NPAS3: variants seen among roughly 807,000 people sequenced by gnomAD.
NPAS3 encodes neuronal PAS domain-containing protein 3.
In NPAS3, 14 loss-of-function variants were observed where a neutral mutation model predicts 73.1. That is an observed-to-expected ratio of 0.19 (90% CI 0.13 to 0.30). The LOEUF is 0.30. NPAS3 is among the 10% of genes least tolerant of loss of function. The pLI is 1.00. For synonymous variants in NPAS3, 620 were observed against 541.5 expected (o/e 1.14, Z -2.01); for missense variants, 1,096 against 1,250.0 (o/e 0.88, Z 1.86).
At chr14:33,232,423 AATCT>A (rs2047885309) in intron 3 of NPAS3, among the ~76,000 whole-genome samples, 1 of 152,196 alleles carries the variant, frequency 6.6e-6, no homozygotes, top group Non-Finnish European at 1.5e-5. Flanking sequence ...GAATACACTC[AATCT>A]GTTTTTCATA....
chr14:32,994,916 G>A (rs914196212), intron 1 of NPAS3, among the ~76,000 whole-genome samples: 5 of 152,328 alleles, frequency 3.3e-5, no homozygotes, highest in East Asian at 1.9e-4. Context: ...ACAGGCATGA[G>A]CCACTGCACC....
chr14:33,466,330 AACACAG>A (rs1321344732), intron 4 of NPAS3, among the ~76,000 whole-genome samples: 1 of 152,196 alleles, frequency 6.6e-6, no homozygotes, highest in Non-Finnish European at 1.5e-5. Flanking sequence ...AGAATAGAAA[AACACAG>A]ATGCTAGAAA....
At chr14:33,369,559 G>A (rs2045996929) in intron 4 of NPAS3, among the ~76,000 whole-genome samples, 1 of 152,140 alleles carries the variant, frequency 6.6e-6, no homozygotes, top group Non-Finnish European at 1.5e-5. Flanking sequence ...TAAGTTTGAA[G>A]CTGTAGACTT....
chr14:33,123,861 CTTTTT>C (rs35332896), intron 2 of NPAS3, among the ~76,000 whole-genome samples: 2 of 81,164 alleles, frequency 2.5e-5, no homozygotes, highest in African/African-American at 3.4e-5. Flanking sequence ...TTCTTTCTTT[CTTTTT>C]TTTTTTTTTT....
At chr14:33,123,676 G>A (rs1369070172) in intron 2 of NPAS3, among the ~76,000 whole-genome samples, 2 of 151,954 alleles carry the variant, frequency 1.3e-5, no homozygotes, top group African/African-American at 4.8e-5. Flanking sequence ...ACCAAGTAAT[G>A]CTGGGGAAAT....
chr14:33,722,081 T>C (rs1466757985), intron 6 of NPAS3, among the ~76,000 whole-genome samples: 1 of 152,182 alleles, frequency 6.6e-6, no homozygotes, highest in East Asian at 1.9e-4. Flanking sequence ...GCAACAGGAA[T>C]GTGTCATGCC....
At chr14:33,224,219 C>T (rs1335395735) in intron 3 of NPAS3, among the ~76,000 whole-genome samples, 1 of 152,190 alleles carries the variant, frequency 6.6e-6, no homozygotes, top group African/African-American at 2.4e-5. Flanking sequence ...TTTTTGTTAG[C>T]CTTATCACCT....
At chr14:33,064,651 C>T (rs1003501315) in intron 2 of NPAS3, among the ~76,000 whole-genome samples, 3 of 152,160 alleles carry the variant, frequency 2.0e-5, no homozygotes, top group Admixed American at 6.5e-5. Context: ...CTTGCAAAAG[C>T]TCTTTTTGAA....
chr14:33,363,845 C>T (rs568507568), intron 3 of NPAS3, among the ~76,000 whole-genome samples: 3 of 151,588 alleles, frequency 2.0e-5, no homozygotes, highest in Admixed American at 1.3e-4. Flanking sequence ...ATAGCTCTTA[C>T]GTCTCACTCT....
chr14:32,983,002 GTTATC>G (rs967518707), intron 1 of NPAS3, among the ~76,000 whole-genome samples: 3 of 152,082 alleles, frequency 2.0e-5, no homozygotes, highest in Admixed American at 6.6e-5. Context: ...GCAATTATAA[GTTATC>G]TTAAGTGAAG....
rs776716287 is a variant in NPAS3, at chr14:33,676,195, T to TA, written c.559-16_559-15insA. The TA allele has an allele frequency of 6.2e-7, 1 of 1,613,128 alleles. No individual in the cohort carries two copies. Among genetic ancestry groups the TA allele is most frequent in the Non-Finnish European group, 8.5e-7 (1 of 1,179,504 alleles). ...ATATAATGTCTTTCCTTCCCACCCT[T>TA]TCTCTCGCCCTCTAGGTGGAGCTGA... On this transcript the variant is annotated splice_polypyrimidine_tract_variant and intron_variant, in intron 5 of 11. Coordinates refer to ENST00000356141, the Ensembl canonical transcript of NPAS3.
At chr14:33,589,880 C>A (rs2057000113) in intron 5 of NPAS3, among the ~76,000 whole-genome samples, 1 of 152,072 alleles carries the variant, frequency 6.6e-6, no homozygotes, top group South Asian at 2.1e-4. Context: ...TGTTGAGATG[C>A]AGATAAAGAA....
chr14:32,954,724 G>A (rs967968012), intron 1 of NPAS3, among the ~76,000 whole-genome samples: 2 of 151,842 alleles, frequency 1.3e-5, no homozygotes, highest in Non-Finnish European at 1.5e-5. Context: ...AGACATTGTC[G>A]GTATTAAGCA....
chr14:33,557,217 C>A (rs1466054950), intron 4 of NPAS3, among the ~76,000 whole-genome samples: 8 of 152,158 alleles, frequency 5.3e-5, no homozygotes, highest in Admixed American at 2.0e-4. Context: ...TCAGAAAAGA[C>A]TGCAGAGGGT....
At chr14:33,070,408 GTAGT>G (rs994334342) in intron 2 of NPAS3, among the ~76,000 whole-genome samples, 1 of 152,088 alleles carries the variant, frequency 6.6e-6, no homozygotes, top group African/African-American at 2.4e-5. Context: ...AGTGTCAGAG[GTAGT>G]TTGAAGAGCA....
chr14:33,693,107 AATT>A (rs2060278274), intron 6 of NPAS3, among the ~76,000 whole-genome samples: 1 of 152,182 alleles, frequency 6.6e-6, no homozygotes, highest in Non-Finnish European at 1.5e-5. Flanking sequence ...GGAGTAAAGG[AATT>A]ATATCCATCC....
chr14:33,430,447 C>G (rs760272810), intron 4 of NPAS3, among the ~76,000 whole-genome samples: 4 of 152,066 alleles, frequency 2.6e-5, no homozygotes, highest in Non-Finnish European at 5.9e-5. Context: ...AGGATTTGAT[C>G]AGATTCTTAG....
intron 6 of NPAS3, among the ~76,000 whole-genome samples, chr14:33,732,489 G>T (rs1306845508): frequency 6.6e-6 from 1 of 152,178 alleles, no homozygotes; most frequent in Non-Finnish European, 1.5e-5. Flanking sequence ...CATGGCCATG[G>T]TGTGTGAGCT....
At chr14:33,047,905 G>A (rs1384944291) in intron 1 of NPAS3, among the ~76,000 whole-genome samples, 1 of 152,122 alleles carries the variant, frequency 6.6e-6, no homozygotes, top group Non-Finnish European at 1.5e-5. Flanking sequence ...ATCCATCTGA[G>A]ATTTGCTGTA....
Sources: allele counts gnomAD v4.1 joint callset (sites outside exome capture counted in the v4.1 genomes callset), GRCh38; gene constraint gnomAD v4.1.1; transcripts MANE v1.5; gene names NCBI Gene and HGNC (gene_info 2026-07-23, HGNC 2026-07-21).